Variants in KIAA0930 observed in about 807,000 individuals in gnomAD.
The protein encoded by KIAA0930 is uncharacterized protein KIAA0930.
KIAA0930 carries 24 observed loss-of-function variants against 43.9 expected under a neutral mutation model. The ratio of observed to expected loss-of-function variants is 0.55; its 90% CI spans 0.40 to 0.77. KIAA0930 has a LOEUF of 0.77. Among genes scored for constraint, KIAA0930 ranks in the 30% least tolerant of loss-of-function variants. KIAA0930 has a pLI of 0.00. For missense variants in KIAA0930, 461 were observed against 574.2 expected (o/e 0.80, Z 2.02); for synonymous variants, 259 against 216.4 (o/e 1.20, Z -1.73).
rs1387456661 is a variant in KIAA0930 at position 45,198,166 on chromosome 22, C to A, written c.1016-218G>T. On this transcript the variant is annotated intron_variant, in intron 8 of 9. Transcript: ENST00000336156. ...CTGGCCCAGACCCAGGCCTCCAACTCCAGGAAGACTTTGGCCACCCCCCTC... is the reference window on the plus strand; with the variant it reads ...CTGGCCCAGACCCAGGCCTCCAACTACAGGAAGACTTTGGCCACCCCCCTC... 1.2e-5 allele frequency: 7 copies of A among 567,134 alleles called. No homozygotes were observed. In the East Asian group the frequency reaches 2.0e-4, roughly 16 times the overall value. The allele number at this position is 567,134 out of a possible 1,614,324, so 35.1% of individuals were successfully genotyped here. A position where few individuals can be genotyped will look rare whatever the true frequency, so the allele number is the denominator to read the frequency against.
chr22:45,212,636 G>T, intron 1 of KIAA0930: 1 of 1,086,508 alleles, frequency 9.2e-7, no homozygotes, highest in Non-Finnish European at 1.2e-6. Flanking sequence ...GACAGCACCC[G>T]CCCCACCCCT....
chr22:45,203,812 A>G (rs1001383440), intron 6 of KIAA0930, 33 bp downstream of exon 6: 12 of 1,609,262 alleles, frequency 7.5e-6, no homozygotes, highest in African/African-American at 1.3e-5. Context: ...CCCCGGGCCC[A>G]GAAGAACACC....
At chr22:45,224,952 G>A (rs2083789692) in intron 1 of KIAA0930, among the ~76,000 whole-genome samples, 1 of 152,070 alleles carries the variant, frequency 6.6e-6, no homozygotes, top group South Asian at 2.1e-4. Flanking sequence ...TCTGCCGTGG[G>A]GTGGCCTGCA....
intron 1 of KIAA0930, among the ~76,000 whole-genome samples, chr22:45,223,528 C>T (rs1222670032): frequency 2.6e-5 from 4 of 152,230 alleles, no homozygotes; most frequent in South Asian, 2.1e-4. Flanking sequence ...AGTCCATCCA[C>T]GTGAAGCCTT....
intron 1 of KIAA0930, among the ~76,000 whole-genome samples, chr22:45,234,584 G>A (rs1249032242): frequency 6.6e-6 from 1 of 152,222 alleles, no homozygotes; most frequent in Non-Finnish European, 1.5e-5. Flanking sequence ...GCCCTTGGGG[G>A]TCACACAGCA....
intron 2 of KIAA0930, 39 bp from the exon 3 acceptor site, chr22:45,205,951 CT>C (rs1366072054): frequency 6.2e-7 from 1 of 1,605,414 alleles, no homozygotes; most frequent in Non-Finnish European, 8.5e-7. Context: ...CCAGGGCCCA[CT>C]GTGGTGCTCT....
At chr22:45,211,690 T>A (rs1282707301) in intron 2 of KIAA0930, among the ~76,000 whole-genome samples, 4 of 152,202 alleles carry the variant, frequency 2.6e-5, no homozygotes, top group Admixed American at 6.5e-5. Flanking sequence ...CTGATCTGTT[T>A]CCTCAAAGCT....
At chr22:45,226,113 C>G (rs1186702131) in intron 1 of KIAA0930, 1 of 394,302 alleles carries the variant, frequency 2.5e-6, no homozygotes, top group Non-Finnish European at 5.4e-6. Context: ...GCCCTGTCCT[C>G]GGTGCGTTCA....
Position 45,240,751 on chromosome 22 carries a change from G to GGGCGGC in KIAA0930, c.-54_-49dup, listed in dbSNP as rs1244216027. On this transcript the variant is annotated 5_prime_UTR_variant, in exon 1 of 10. Coordinates refer to ENST00000336156, the MANE Select transcript of KIAA0930 (RefSeq NM_001009880.2). The stretch of plus-strand genomic sequence containing the variant: ...GCCTCGGCGCCGCCCGCAGGCTCGG[G>GGGCGGC]GGCGGCGGCGGCGGGGAGGGCGGGC... 9 of 1,015,712 alleles carry GGGCGGC rather than the reference G, an allele frequency of 8.9e-6. No homozygotes were observed. The highest frequency in any genetic ancestry group is 4.3e-4 in the Middle Eastern group (1 of 2,324). The allele number at this position is 1,015,712 out of a possible 1,614,324, so 62.9% of individuals were successfully genotyped here.
At position 45,208,524 on chromosome 22, in the gene KIAA0930, C is replaced by CCACA. The variant is rs1395613556; in HGVS notation, c.217-2616_217-2613dup. Among the ~76,000 whole-genome samples the CCACA allele has an allele frequency of 2.7e-4, 41 of 152,034 alleles. 4 individuals carry two copies. Among genetic ancestry groups the CCACA allele is most frequent in the Non-Finnish European group, 3.5e-4 (24 of 67,918 alleles). ...TAAGAACAGGCAGAACCCACCGACT[C>CCACA]CACATGCAGGAGCTGTGAGAACAGG... On this transcript the variant is annotated intron_variant, in intron 2 of 9. Coordinates refer to ENST00000336156, the MANE Select transcript of KIAA0930 (RefSeq NM_001009880.2).
Position 45,193,302 on chromosome 22 carries a change from A to G in KIAA0930, c.*3874T>C, listed in dbSNP as rs76467535. 6.6e-6 allele frequency: 1 copy of G among 152,240 alleles called. No individual in the cohort carries two copies. The highest frequency in any genetic ancestry group is 2.4e-5 in the African/African-American group (1 of 41,460). 9.4% of individuals were successfully genotyped at this position (152,240 alleles called of 1,614,324 possible). A position where few individuals can be genotyped will look rare whatever the true frequency, so the allele number is the denominator to read the frequency against. On this transcript the variant is annotated 3_prime_UTR_variant, in exon 10 of 10. Coordinates refer to ENST00000336156, the MANE Select transcript of KIAA0930 (RefSeq NM_001009880.2). ...CTGTTAAGTTCGCTAAAAAGTTGGCAGATGTTTCGTATGTCTTTAAAGGAT... is the reference window on the plus strand; with the variant it reads ...CTGTTAAGTTCGCTAAAAAGTTGGCGGATGTTTCGTATGTCTTTAAAGGAT...
rs1035482776 is a variant in KIAA0930 at position 45,203,200 on chromosome 22, G to A, written c.658-16C>T. The A allele has an allele frequency of 1.3e-6, 2 of 1,576,092 alleles. No individual in the cohort carries two copies. Among genetic ancestry groups the A allele is most frequent in the African/African-American group, 2.7e-5 (2 of 74,048 alleles). On this transcript the variant is annotated splice_polypyrimidine_tract_variant and intron_variant, in intron 6 of 9. Transcript: ENST00000336156. ...CCACGCTCACCTGGGGGCCGGCGCG[G>A]GGCAGCCTGAGTCAGGGAGGTGGCG...
chr22:45,211,884 T>C (rs1412612919), intron 2 of KIAA0930, 72 bp downstream of exon 2: 2 of 1,485,912 alleles, frequency 1.3e-6, no homozygotes, highest in South Asian at 1.2e-5. Context: ...AAAGCCCACA[T>C]GTACACCGAG....
intron 5 of KIAA0930, among the ~76,000 whole-genome samples, chr22:45,204,674 C>T (rs1736822272): frequency 6.6e-6 from 1 of 151,974 alleles, no homozygotes; most frequent in South Asian, 2.1e-4. Context: ...CACAAATGGG[C>T]AGAGCAGGGA....
chr22:45,200,940 G>A lies in KIAA0930; in HGVS notation c.853-905C>T, dbSNP rs774789160. ...CCGCTGGAGCTGGGTCTTGAAGGAC[G>A]AGTAGGAGTTCGCCAGGTGAAGAAG... On this transcript the variant is annotated intron_variant, in intron 7 of 9. Transcript: ENST00000336156. 3.2e-5 allele frequency: 16 copies of A among 493,174 alleles called. No homozygotes were observed. In the East Asian group the frequency reaches 3.6e-4, roughly 11 times the overall value. 30.5% of individuals were successfully genotyped at this position (493,174 alleles called of 1,614,324 possible).
chr22:45,200,274 G>A, intron 7 of KIAA0930: 1 of 434,518 alleles, frequency 2.3e-6, no homozygotes, highest in Non-Finnish European at 4.0e-6. Flanking sequence ...GGAGGGGCCA[G>A]GCTGCTGCCG....
At position 45,240,666 on chromosome 22, in the gene KIAA0930, C is replaced by A. The variant is rs1337527323; in HGVS notation, c.38G>T (p.Ser13Ile). The change falls in exon 1 of 10, where the codon AGC becomes ATC. Residue 13 changes from serine to isoleucine, a missense_variant. Transcript: ENST00000336156. ...RAIAEERGRL[S>I]LRREVCGLGC... The stretch of plus-strand genomic sequence containing the variant: ...GAGGCCGCAGACCTCGCGGCGCAGG[C>A]TAAGACGGCCGCGCTCCTCCGCTAT... The A allele has an allele frequency of 2.0e-6, 3 of 1,512,204 alleles. No homozygotes were observed. The highest frequency in any genetic ancestry group is 2.1e-5 in the Admixed American group (1 of 48,180). The allele number at this position is 1,512,204 out of a possible 1,614,324, so 93.7% of individuals were successfully genotyped here. A position where few individuals can be genotyped will look rare whatever the true frequency, so the allele number is the denominator to read the frequency against.
At chr22:45,225,052 T>G (rs1419486849) in intron 1 of KIAA0930, among the ~76,000 whole-genome samples, 1 of 152,134 alleles carries the variant, frequency 6.6e-6, no homozygotes. Context: ...TAGACTCCAC[T>G]TGGCCCTGGT....
chr22:45,212,883 C>G (rs907655908), intron 1 of KIAA0930, among the ~76,000 whole-genome samples: 1 of 152,190 alleles, frequency 6.6e-6, no homozygotes, highest in Non-Finnish European at 1.5e-5. Context: ...AAACCGAGAC[C>G]ACGGGCACAC....
Sources: gnomAD v4.1 joint callset for allele counts (sites outside exome capture counted in the v4.1 genomes callset) on GRCh38, gnomAD v4.1.1 for gene constraint, MANE v1.5 for transcripts, NCBI Gene and HGNC (gene_info 2026-07-23, HGNC 2026-07-21) for gene names.